DCAF11: variants seen among roughly 807,000 people sequenced by gnomAD.
The protein encoded by DCAF11 is DDB1- and CUL4-associated factor 11.
In DCAF11, 44 loss-of-function variants were observed where a neutral mutation model predicts 76.1. That is an observed-to-expected ratio of 0.58 (90% CI 0.45 to 0.74). DCAF11 has a LOEUF of 0.74. Among genes scored for constraint, DCAF11 ranks in the 30% least tolerant of loss-of-function variants. The probability of loss-of-function intolerance (pLI) is 0.00; values close to 1 mark genes in which losing one functional copy is unlikely to be tolerated. For synonymous variants in DCAF11, 258 were observed against 255.0 expected, an observed-to-expected ratio of 1.01 and a Z score of -0.11; for missense variants, 604 against 709.4, an observed-to-expected ratio of 0.85 and a Z score of 1.69.
Position 24,118,397 on chromosome 14 carries a change from T to G in DCAF11, c.587T>G (p.Ile196Ser), listed in dbSNP as rs2037623165. 1.2e-6 allele frequency: 2 copies of G among 1,614,072 alleles called. No homozygotes were observed. Among genetic ancestry groups the G allele is most frequent in the Non-Finnish European group, 8.5e-7 (1 of 1,180,030 alleles). ...ATCTTTACTTACACAGACCAGACAATCCGACTCTATGACTGCCGATATGGC... is the reference window on the plus strand; with the variant it reads ...ATCTTTACTTACACAGACCAGACAAGCCGACTCTATGACTGCCGATATGGC... ...IFMSACQDQT[I>S]RLYDCRYGRF... The change falls in exon 7 of 15, where the codon ATC becomes AGC. Residue 196 changes from isoleucine (I) to serine (S), a missense_variant. Coordinates refer to ENST00000446197, the MANE Select transcript of DCAF11 (RefSeq NM_025230.5).
chr14:24,115,860 G>A lies in DCAF11; in HGVS notation c.155+111G>A. On this transcript the variant is annotated intron_variant, in intron 2 of 14. Transcript: ENST00000446197. ...GAAATGGGATTCGCTCAGGACAGCT[G>A]TTCTGTTTGAGCTGAACAGCCTTTC... 2.2e-6 allele frequency: 3 copies of A among 1,382,222 alleles called. No individual in the cohort carries two copies. The South Asian group carries it at 4.3e-5, about 20-fold the overall frequency. The allele number at this position is 1,382,222 out of a possible 1,614,324, so 85.6% of individuals were successfully genotyped here. A position where few individuals can be genotyped will look rare whatever the true frequency, so the allele number is the denominator to read the frequency against.
rs755486465 is a variant in DCAF11, at chr14:24,117,436, G to A, written c.411+43G>A. The A allele has an allele frequency of 1.2e-6, 2 of 1,609,502 alleles. No homozygotes were observed. Among genetic ancestry groups the A allele is most frequent in the Non-Finnish European group, 1.7e-6 (2 of 1,177,114 alleles). Reference sequence around the variant, plus strand: ...CCAGCCTGGCAGCAGGCCTGCCAAAGCAGCCAGAAGCTCTGCCAGCCCCAG... The same window carrying A: ...CCAGCCTGGCAGCAGGCCTGCCAAAACAGCCAGAAGCTCTGCCAGCCCCAG... On this transcript the variant is annotated intron_variant, in intron 4 of 14. Transcript: ENST00000446197. The surrounding 1 kb of genome is among the most constrained non-coding windows in gnomAD (Gnocchi z 4.3).
At position 24,114,914 on chromosome 14, in the gene DCAF11, G is replaced by C; in HGVS notation, c.-593G>C. 1.0e-6 allele frequency: 1 copy of C among 985,966 alleles called. No individual in the cohort carries two copies. The highest frequency in any genetic ancestry group is 1.2e-6 in the Non-Finnish European group (1 of 829,968). 61.1% of individuals were successfully genotyped at this position (985,966 alleles called of 1,614,324 possible). A position where few individuals can be genotyped will look rare whatever the true frequency, so the allele number is the denominator to read the frequency against. On this transcript the variant is annotated 5_prime_UTR_variant, in exon 1 of 15. Transcript: ENST00000446197. ...TCGCGCCGCTGCGGGTCCTGCGACC[G>C]CTCCTGGCTGGTGGGTGGTCTCGCG...
rs531190872 is a variant in DCAF11, at chr14:24,116,823, A to G, written c.156-94A>G. The G allele has an allele frequency of 1.9e-5, 30 of 1,571,174 alleles. No homozygotes were observed. In the African/African-American group the frequency reaches 2.0e-4, roughly 11 times the overall value. ...GTCAGCCTCAAACCTCAAAATGAGT[A>G]CCAAGTGGTCTAAGAGCTAGATAGC... On this transcript the variant is annotated intron_variant, in intron 2 of 14. Transcript: ENST00000446197.
chr14:24,123,276 C>G lies in DCAF11; in HGVS notation c.1608C>G (p.Pro536=). ...EECASAPAPV[P]QSSTPFSSPQ is the part of the protein sequence containing the mutation. ...GTGCCAGCGCCCCTGCCCCAGTGCC[C>G]CAATCCTCTACACCCTTTTCCTCAC... The change falls in exon 15 of 15, where the codon CCC becomes CCG. Residue 536 remains proline (P), a synonymous_variant. Transcript: ENST00000446197. 3 of 1,555,356 alleles carry G rather than the reference C, an allele frequency of 1.9e-6. No individual in the cohort carries two copies. The highest frequency in any genetic ancestry group is 2.6e-6 in the Non-Finnish European group (3 of 1,149,692).
rs1336513977 is a variant in DCAF11, at chr14:24,124,922, T to TA, written c.*1615dup. The TA allele has an allele frequency of 6.6e-6, 1 of 152,228 alleles. No homozygotes were observed. Among genetic ancestry groups the TA allele is most frequent in the African/African-American group, 2.4e-5 (1 of 41,432 alleles). The allele number at this position is 152,228 out of a possible 1,614,324, so 9.4% of individuals were successfully genotyped here. A position where few individuals can be genotyped will look rare whatever the true frequency, so the allele number is the denominator to read the frequency against. ...AGCCGGATATGGTGGCGGGTGCCTG[T>TA]AATCTCAGCTACTTGAGAGGCTGAG... On this transcript the variant is annotated 3_prime_UTR_variant, in exon 15 of 15. Coordinates refer to ENST00000446197, the MANE Select transcript of DCAF11 (RefSeq NM_025230.5).
chr14:24,121,200 G>A, intron 12 of DCAF11, 165 bp from the exon 13 acceptor site: 1 of 1,114,600 alleles, frequency 9.0e-7, no homozygotes. Flanking sequence ...AACCGGCAGG[G>A]CCATATTGGA....
In DCAF11 at chr14:24,123,967, G is replaced by A. The variant is rs140199178; in HGVS notation, c.*658G>A. On this transcript the variant is annotated 3_prime_UTR_variant, in exon 15 of 15. Coordinates refer to ENST00000446197, the MANE Select transcript of DCAF11 (RefSeq NM_025230.5). The stretch of plus-strand genomic sequence containing the variant: ...GCACACAGCTTTAAGGAAGTAGGTT[G>A]AAGTAGGACTCCTTCGTCCTCTCAC... The A allele has an allele frequency of 2.0e-5, 3 of 152,318 alleles. No individual in the cohort carries two copies. The highest frequency in any genetic ancestry group is 7.2e-5 in the African/African-American group (3 of 41,558). 9.4% of individuals were successfully genotyped at this position (152,318 alleles called of 1,614,324 possible). A position where few individuals can be genotyped will look rare whatever the true frequency, so the allele number is the denominator to read the frequency against.
At chr14:24,122,700 TC>T (rs2037713674) in intron 13 of DCAF11, among the ~76,000 whole-genome samples, 1 of 152,132 alleles carries the variant, frequency 6.6e-6, no homozygotes, top group Non-Finnish European at 1.5e-5. Context: ...ACTAAAATCT[TC>T]AAAGCCAGTG....
intron 9 of DCAF11, 111 bp from the exon 10 acceptor site, chr14:24,119,448 G>C (rs2037648296): frequency 5.7e-6 from 8 of 1,407,568 alleles, no homozygotes; most frequent in East Asian, 2.3e-5. Flanking sequence ...TATAAAAAGA[G>C]CAAAGGGCTT....
Position 24,118,388 on chromosome 14 carries a change from A to T in DCAF11, c.578A>T (p.Asp193Val), listed in dbSNP as rs1594336236. The change falls in exon 7 of 15, where the codon GAC becomes GTC. Residue 193 changes from aspartate (D) to valine (V), a missense_variant and splice_region_variant. Transcript: ENST00000446197. The part of the protein sequence containing the change: ...DGQIFMSACQ[D>V]QTIRLYDCRY... ...TTCTGCCTGATCTTTACTTACACAG[A>T]CCAGACAATCCGACTCTATGACTGC... 6.2e-7 allele frequency: 1 copy of T among 1,614,042 alleles called. No individual in the cohort carries two copies.
Position 24,117,364 on chromosome 14 carries a change from A to C in DCAF11, c.382A>C (p.Lys128Gln). ...GCTGGGGCTTAGGCGGGCCGCCCAG[A>C]AGCACAGCTTTCCTCGAATGTTGCA... is the stretch of plus-strand genomic sequence containing the variant. ...GQLGLRRAAQ[K>Q]HSFPRMLHQR... Residue 128 changes from lysine to glutamine, a missense_variant, in exon 4 of 15, where the codon AAG (lysine) becomes CAG (glutamine). Physicochemically the swap from Lys to Gln is moderately conservative, Grantham distance 53. Coordinates refer to ENST00000446197, the MANE Select transcript of DCAF11 (RefSeq NM_025230.5). This position sits in a 1 kb window ranked among gnomAD's most constrained non-coding sequence, Gnocchi z 4.3. 6.2e-7 allele frequency: 1 copy of C among 1,614,256 alleles called. No individual in the cohort carries two copies. The highest frequency in any genetic ancestry group is 8.5e-7 in the Non-Finnish European group (1 of 1,180,050).
At chr14:24,119,502 C>T (rs1426041710) in intron 9 of DCAF11, 57 bp from the exon 10 acceptor site, 3 of 1,598,804 alleles carry the variant, frequency 1.9e-6, no homozygotes, top group African/African-American at 2.7e-5. Flanking sequence ...AGAGCATATA[C>T]CACGTTGGTC....
In DCAF11 at chr14:24,117,219, T is replaced by C; in HGVS notation, c.284-47T>C. Reference sequence around the variant, plus strand: ...TTGGGTACAGTTCTGCTAACTGTCCTCTGAGGCTGGCAGACCTAGGATGAA... The same window carrying C: ...TTGGGTACAGTTCTGCTAACTGTCCCCTGAGGCTGGCAGACCTAGGATGAA... On this transcript the variant is annotated intron_variant, in intron 3 of 14. Transcript: ENST00000446197. The surrounding 1 kb of genome is among the most constrained non-coding windows in gnomAD (Gnocchi z 4.3). 1 of 1,612,538 alleles carries C rather than the reference T, an allele frequency of 6.2e-7. No homozygotes were observed. Among genetic ancestry groups the C allele is most frequent in the Non-Finnish European group, 8.5e-7 (1 of 1,178,944 alleles).
chr14:24,116,885 TC>T (rs2037588750), intron 2 of DCAF11, 31 bp from the exon 3 acceptor site: 1 of 1,613,458 alleles, frequency 6.2e-7, no homozygotes. Context: ...GGGGAAGAAG[TC>T]CCCTCCTTTA....
intron 2 of DCAF11, among the ~76,000 whole-genome samples, chr14:24,116,266 GCTTT>G (rs1459499107): frequency 2.0e-5 from 3 of 152,200 alleles, no homozygotes; most frequent in Non-Finnish European, 2.9e-5. Context: ...GGTGCAGCTG[GCTTT>G]CTTTCTTTGC....
chr14:24,119,820 C>T lies in DCAF11; in HGVS notation c.1016C>T (p.Thr339Ile), dbSNP rs189677933. 2 of 1,614,206 alleles carry T rather than the reference C, an allele frequency of 1.2e-6. No individual in the cohort carries two copies. Among genetic ancestry groups the T allele is most frequent in the East Asian group, 4.5e-5 (2 of 44,878 alleles). ...DAICKVWDRR[T>I]MREDDPKPVG... ...ATCTGCAAAGTGTGGGATCGACGCA[C>T]CATGCGGGAGGATGACCCCAAGCCT... Residue 339 changes from threonine (T) to isoleucine (I), a missense_variant, in exon 11 of 15, where the codon ACC (threonine) becomes ATC (isoleucine). By Grantham distance (89) the Thr-to-Ile change is moderately conservative. Coordinates refer to ENST00000446197, the MANE Select transcript of DCAF11 (RefSeq NM_025230.5).
At position 24,119,611 on chromosome 14, in the gene DCAF11, CT is replaced by C. The variant is rs2037652002; in HGVS notation, c.903del (p.Gln302ArgfsTer9). On this transcript the variant is annotated frameshift_variant, in exon 10 of 15. Transcript: ENST00000446197. LOFTEE classifies it high-confidence loss of function. ...VFDREQNRRTLQIESHEDDVN... is the reference protein window; with the variant it reads ...VFDREQNRRTXQIESHEDDVN... The stretch of plus-strand genomic sequence containing the variant: ...TGACCGAGAACAGAACCGGCGCACC[CT>C]TCAGGTATGGCTCCTGAGATAGAGC... The C allele has an allele frequency of 6.2e-7, 1 of 1,614,108 alleles. No individual in the cohort carries two copies. The highest frequency in any genetic ancestry group is 8.5e-7 in the Non-Finnish European group (1 of 1,180,046).
In DCAF11 at chr14:24,121,492, T is replaced by A; in HGVS notation, c.1374T>A (p.Ser458Arg). The A allele has an allele frequency of 6.2e-7, 1 of 1,614,124 alleles. No homozygotes were observed. The highest frequency in any genetic ancestry group is 8.5e-7 in the Non-Finnish European group (1 of 1,180,010). Residue 458 changes from serine to arginine, a missense_variant, in exon 13 of 15, where the codon AGT becomes AGA. Physicochemically the swap from Ser to Arg is moderately radical, Grantham distance 110. Transcript: ENST00000446197. ...IHSTGQQFIYSGCSTGKVVVY... is the reference protein window; with the variant it reads ...IHSTGQQFIYRGCSTGKVVVY... ...GCACTGGCCAGCAGTTCATCTACAG[T>A]GGCTGCTCCACTGGCAAAGTGGTTG...
Sources: gnomAD v4.1 joint callset for allele counts (sites outside exome capture counted in the v4.1 genomes callset) on GRCh38, gnomAD v4.1.1 for gene constraint, Gnocchi (gnomAD v3.1) non-coding constraint, MANE v1.5 for transcripts, NCBI Gene and HGNC (gene_info 2026-07-23, HGNC 2026-07-21) for gene names.